Variants in LGR4 observed in about 807,000 individuals in gnomAD.
LGR4 encodes leucine rich repeat containing G protein-coupled receptor 4.
LGR4 carries 44 observed loss-of-function variants against 84.8 expected under a neutral mutation model. The observed-to-expected ratio is 0.52, with a 90% CI of 0.41 to 0.67. The LOEUF is 0.67. LGR4 is among the 30% of genes least tolerant of loss of function. LGR4 has a pLI of 0.00. For synonymous variants in LGR4, 429 were observed against 434.3 expected, an observed-to-expected ratio of 0.99 and a Z score of 0.15; for missense variants, 1,032 against 1,131.4, an observed-to-expected ratio of 0.91 and a Z score of 1.26.
chr11:27,368,403 C>T lies in LGR4; in HGVS notation c.2320G>A (p.Ala774Thr). ...ATTATTTCGGGGCTGATAGAGATTG[C>T]AGTGATCAATGGTGCAAATGAAAAA... ...AFFSFAPLITAISISPEIMKS... is the reference protein window; with the variant it reads ...AFFSFAPLITTISISPEIMKS... The change falls in exon 18 of 18, where the codon GCA becomes ACA. Residue 774 changes from alanine to threonine, a missense_variant. Ala to Thr is a moderately conservative substitution (Grantham distance 58, BLOSUM62 0). Transcript: ENST00000379214. 6.2e-7 allele frequency: 1 copy of T among 1,614,054 alleles called. No homozygotes were observed.
intron 1 of LGR4, among the ~76,000 whole-genome samples, chr11:27,427,370 C>T (rs1162131974): frequency 2.6e-5 from 4 of 152,136 alleles, no homozygotes; most frequent in Admixed American, 6.5e-5. Flanking sequence ...AACGAAAGAA[C>T]AGCTGGCATG....
At chr11:27,472,012 C>G (rs1864882827) in intron 1 of LGR4, 106 bp downstream of exon 1, 5 of 799,624 alleles carry the variant, frequency 6.3e-6, no homozygotes, top group Non-Finnish European at 8.3e-6. Flanking sequence ...GCCCGGGCGG[C>G]GGCGGGGCGG....
chr11:27,377,062 A>G (rs1862997189), intron 12 of LGR4, 96 bp downstream of exon 12: 1 of 675,792 alleles, frequency 1.5e-6, no homozygotes, highest in Non-Finnish European at 2.6e-6. Flanking sequence ...AGGAATTTCT[A>G]ATTTCTTACT....
chr11:27,376,943 C>T (rs190460551), intron 12 of LGR4, among the ~76,000 whole-genome samples: 351 of 152,228 alleles, frequency 2.3e-3, no homozygotes, highest in Non-Finnish European at 4.4e-3. Flanking sequence ...CCAACTCCCC[C>T]CCGCATAGCG....
At chr11:27,374,105 T>C (rs1400099734) in intron 13 of LGR4, 59 bp from the exon 14 acceptor site, 8 of 1,071,142 alleles carry the variant, frequency 7.5e-6, no homozygotes, top group Non-Finnish European at 1.0e-5. Context: ...TGCCACTTAC[T>C]TAGACTATAC....
chr11:27,449,489 G>T (rs980083804), intron 1 of LGR4, among the ~76,000 whole-genome samples: 4 of 152,068 alleles, frequency 2.6e-5, no homozygotes, highest in African/African-American at 9.7e-5. Flanking sequence ...GGCTGAGGCA[G>T]GAGGGTGACT....
chr11:27,428,745 CTTTTT>C (rs774342410), intron 1 of LGR4, among the ~76,000 whole-genome samples: 1 of 151,792 alleles, frequency 6.6e-6, no homozygotes, highest in Non-Finnish European at 1.5e-5. Context: ...TTCTTTCTTT[CTTTTT>C]TTTGTTTTTT....
At chr11:27,377,259 T>A in intron 11 of LGR4, 36 bp from the exon 12 acceptor site, 6 of 1,072,282 alleles carry the variant, frequency 5.6e-6, no homozygotes, top group Non-Finnish European at 8.5e-6. Flanking sequence ...TAATGCTATG[T>A]TATCAGAGTA....
At chr11:27,415,168 AT>A (rs1176900675) in intron 1 of LGR4, among the ~76,000 whole-genome samples, 1 of 152,168 alleles carries the variant, frequency 6.6e-6, no homozygotes, top group Admixed American at 6.6e-5. Flanking sequence ...GTAAACAATG[AT>A]TCTGTAAAAT....
chr11:27,383,188 T>G (rs889452591), intron 6 of LGR4, among the ~76,000 whole-genome samples: 1 of 152,198 alleles, frequency 6.6e-6, no homozygotes, highest in African/African-American at 2.4e-5. Context: ...GTTTAAAGTT[T>G]AATTTCTTTT....
At chr11:27,459,574 T>C (rs994409647) in intron 1 of LGR4, among the ~76,000 whole-genome samples, 1 of 151,682 alleles carries the variant, frequency 6.6e-6, no homozygotes, top group African/African-American at 2.4e-5. Flanking sequence ...CCTCCTGGGT[T>C]CAAGTGATTC....
intron 1 of LGR4, among the ~76,000 whole-genome samples, chr11:27,447,048 G>T (rs111909661): frequency 1.3e-5 from 2 of 151,024 alleles, no homozygotes; most frequent in Admixed American, 6.6e-5. Flanking sequence ...GGTCAGGGGA[G>T]GGGGGAGGGA....
intron 1 of LGR4, among the ~76,000 whole-genome samples, chr11:27,418,302 G>A (rs1357123791): frequency 6.6e-6 from 1 of 152,284 alleles, no homozygotes; most frequent in African/African-American, 2.4e-5. Context: ...TTATACGGCC[G>A]CAGAAATGCG....
chr11:27,438,739 GC>G (rs1392729940), intron 1 of LGR4, among the ~76,000 whole-genome samples: 1 of 152,094 alleles, frequency 6.6e-6, no homozygotes, highest in East Asian at 1.9e-4. Context: ...CTGTCTTTGA[GC>G]TGAGACTTTG....
At chr11:27,469,156 A>G (rs916124926) in intron 1 of LGR4, among the ~76,000 whole-genome samples, 3 of 152,218 alleles carry the variant, frequency 2.0e-5, no homozygotes, top group African/African-American at 7.2e-5. Context: ...AATAGTTGCT[A>G]CAGGTGCAGC....
intron 1 of LGR4, among the ~76,000 whole-genome samples, chr11:27,452,029 G>A (rs575595826): frequency 3.9e-5 from 6 of 152,274 alleles, no homozygotes; most frequent in East Asian, 3.9e-4. Context: ...GGACACCCAC[G>A]TAATCTTCCA....
At chr11:27,464,425 C>T (rs1022080983) in intron 1 of LGR4, among the ~76,000 whole-genome samples, 6 of 152,194 alleles carry the variant, frequency 3.9e-5, no homozygotes, top group African/African-American at 1.2e-4. Context: ...GCAAACACAC[C>T]TCCCATTCAG....
In LGR4 at chr11:27,472,091, C is replaced by G. The variant is rs542579929; in HGVS notation, c.185+27G>C. The stretch of plus-strand genomic sequence containing the variant: ...CGCTGGGCCCCGTTTCCTCCCCCCC[C>G]CTCGCGTCCCCGCCGCCCGCACTCA... On this transcript the variant is annotated intron_variant, in intron 1 of 17. Coordinates refer to ENST00000379214, the MANE Select transcript of LGR4 (RefSeq NM_018490.5). 8.5e-4 allele frequency: 1,097 copies of G among 1,291,030 alleles called. 14 individuals carry two copies. The highest frequency in any genetic ancestry group is 4.2e-3 in the Middle Eastern group (14 of 3,334). 80.0% of individuals were successfully genotyped at this position (1,291,030 alleles called of 1,614,324 possible).
chr11:27,471,937 G>A (rs1447361756), intron 1 of LGR4, 181 bp downstream of exon 1: 6 of 377,484 alleles, frequency 1.6e-5, no homozygotes, highest in Non-Finnish European at 2.7e-5. Context: ...AGTGCGGAAA[G>A]CCCGTGGCAC....
Sources: gnomAD v4.1 joint callset for allele counts (sites outside exome capture counted in the v4.1 genomes callset) on GRCh38, gnomAD v4.1.1 for gene constraint, MANE v1.5 for transcripts, NCBI Gene and HGNC (gene_info 2026-07-23, HGNC 2026-07-21) for gene names.